CSNK1G1: variants seen among roughly 807,000 people sequenced by gnomAD.
CSNK1G1 encodes casein kinase I isoform gamma-1.
A neutral mutation model predicts 59.6 loss-of-function variants in CSNK1G1; 22 were observed. The observed-to-expected ratio is 0.37, with a 90% CI of 0.26 to 0.53. The LOEUF is 0.53. Ranked by LOEUF, CSNK1G1 falls within the 20% of genes least tolerant of loss-of-function variation. The pLI is 0.89. For missense variants in CSNK1G1, 384 were observed against 519.5 expected (o/e 0.74, Z 2.54); for synonymous variants, 179 against 177.1 (o/e 1.01, Z -0.08).
chr15:64,345,213 A>G (rs1897888593), intron 1 of CSNK1G1, among the ~76,000 whole-genome samples: 1 of 152,230 alleles, frequency 6.6e-6, no homozygotes, highest in Non-Finnish European at 1.5e-5. Flanking sequence ...ATTAGTACTC[A>G]GGCTACATGA....
intron 2 of CSNK1G1, among the ~76,000 whole-genome samples, chr15:64,285,841 T>C (rs530789861): frequency 2.8e-4 from 43 of 152,132 alleles, no homozygotes; most frequent in African/African-American, 9.9e-4. Context: ...CTCTAGTTAA[T>C]TTATCTTCTC....
intron 2 of CSNK1G1, among the ~76,000 whole-genome samples, chr15:64,291,390 CAGCCTGGCCA>C (rs1894732952): frequency 6.6e-6 from 1 of 151,880 alleles, no homozygotes; most frequent in Non-Finnish European, 1.5e-5. Flanking sequence ...AGTTTGAGAC[CAGCCTGGCCA>C]ACATGGTGAA....
At chr15:64,333,149 C>T (rs757825765) in intron 1 of CSNK1G1, among the ~76,000 whole-genome samples, 3 of 146,006 alleles carry the variant, frequency 2.1e-5, no homozygotes, top group Non-Finnish European at 4.5e-5. Flanking sequence ...GCCAGCTACT[C>T]GGGAGGCTGA....
intron 1 of CSNK1G1, among the ~76,000 whole-genome samples, chr15:64,322,140 T>C (rs1257586382): frequency 6.6e-6 from 1 of 152,182 alleles, no homozygotes; most frequent in Non-Finnish European, 1.5e-5. Context: ...TTCTGTAATA[T>C]GTAATATCTT....
intron 2 of CSNK1G1, among the ~76,000 whole-genome samples, 177 bp downstream of exon 2, chr15:64,300,142 C>T (rs561121415): frequency 2.0e-5 from 3 of 152,258 alleles, no homozygotes; most frequent in South Asian, 2.1e-4. Flanking sequence ...AGAGATGAGC[C>T]TTGGATAACA....
chr15:64,263,917 A>C (rs1596182493), intron 2 of CSNK1G1, among the ~76,000 whole-genome samples: 1 of 151,634 alleles, frequency 6.6e-6, no homozygotes, highest in East Asian at 1.9e-4. Flanking sequence ...TTCTACCTAT[A>C]ATTATTTATG....
At chr15:64,342,270 C>T (rs1042492587) in intron 1 of CSNK1G1, among the ~76,000 whole-genome samples, 2 of 152,182 alleles carry the variant, frequency 1.3e-5, no homozygotes, top group Admixed American at 1.3e-4. Flanking sequence ...CCTTTCTCTG[C>T]CTCATTTGCT....
intron 8 of CSNK1G1, 68 bp from the exon 9 acceptor site, chr15:64,204,657 A>G: frequency 6.6e-7 from 1 of 1,508,702 alleles, no homozygotes; most frequent in Non-Finnish European, 9.1e-7. Flanking sequence ...GTGGGGAAGC[A>G]TTGGGCCACA....
chr15:64,194,438 C>T (rs538294607), intron 10 of CSNK1G1: 1 of 151,016 alleles, frequency 6.6e-6, no homozygotes, highest in African/African-American at 2.4e-5. Flanking sequence ...AAATTATGCT[C>T]ATAACAAGCT....
intron 10 of CSNK1G1, among the ~76,000 whole-genome samples, chr15:64,182,442 A>G (rs1409407205): frequency 2.0e-5 from 3 of 152,200 alleles, no homozygotes; most frequent in Admixed American, 1.3e-4. Context: ...AAAACGGATT[A>G]AAAGAGACTA....
At chr15:64,352,058 G>A (rs1365617355) in intron 1 of CSNK1G1, among the ~76,000 whole-genome samples, 1 of 152,082 alleles carries the variant, frequency 6.6e-6, no homozygotes, top group Middle Eastern at 3.2e-3. Context: ...TGTAATCCCA[G>A]CACCTTGGGA....
At chr15:64,292,220 A>G (rs1186002111) in intron 2 of CSNK1G1, among the ~76,000 whole-genome samples, 2 of 152,074 alleles carry the variant, frequency 1.3e-5, no homozygotes, top group African/African-American at 2.4e-5. Flanking sequence ...AAAAAAAAAA[A>G]AAAAAAGTTC....
intron 10 of CSNK1G1, among the ~76,000 whole-genome samples, chr15:64,187,687 C>T (rs1022833401): frequency 1.3e-5 from 2 of 152,166 alleles, no homozygotes; most frequent in African/African-American, 4.8e-5. Context: ...TGTTTGACAG[C>T]TCTGAGTTCA....
Position 64,314,583 on chromosome 15 carries a change from AC to A in CSNK1G1, c.-224-13861del, listed in dbSNP as rs1345856944. Reference sequence around the variant, plus strand: ...ACAGAATTAAAAAAAAAAAAAAAAAACATATCCCTCAGCTGAGATTTTGTTC... The same window carrying A: ...ACAGAATTAAAAAAAAAAAAAAAAAAATATCCCTCAGCTGAGATTTTGTTC... On this transcript the variant is annotated intron_variant, in intron 1 of 11. Transcript: ENST00000303052. 7.1e-4 allele frequency among the ~76,000 whole-genome samples: 108 copies of A among 151,674 alleles called. No individual in the cohort carries two copies. The East Asian group carries it at 0.018, about 26-fold the overall frequency.
intron 10 of CSNK1G1, among the ~76,000 whole-genome samples, chr15:64,187,054 CT>C (rs1188962981): frequency 8.6e-5 from 13 of 151,978 alleles, no homozygotes; most frequent in Admixed American, 5.9e-4. Context: ...ATCACTTGAC[CT>C]TGTGATCTGC....
rs2081638991 is a variant in CSNK1G1, at chr15:64,169,351, GC to G, written c.*2579del. 1 of 152,180 alleles carries G rather than the reference GC, an allele frequency of 6.6e-6. No homozygotes were observed. The allele number at this position is 152,180 out of a possible 1,614,324, so 9.4% of individuals were successfully genotyped here. A position where few individuals can be genotyped will look rare whatever the true frequency, so the allele number is the denominator to read the frequency against. On this transcript the variant is annotated 3_prime_UTR_variant, in exon 12 of 12. Coordinates refer to ENST00000303052, the MANE Select transcript of CSNK1G1 (RefSeq NM_022048.5). ...AGGCTCAAGTGATTCTCCTGCCTCA[GC>G]CTCCCGAGTAGCTGGGACTACGGGA...
At chr15:64,309,307 AAAACACACAC>A (rs1358177099) in intron 1 of CSNK1G1, among the ~76,000 whole-genome samples, 2 of 62,678 alleles carry the variant, frequency 3.2e-5, no homozygotes, top group South Asian at 8.5e-4. Context: ...CTTAGTGAAT[AAAACACACAC>A]ACACACACAC....
At chr15:64,354,399 T>A (rs1489710097) in intron 1 of CSNK1G1, among the ~76,000 whole-genome samples, 1 of 152,250 alleles carries the variant, frequency 6.6e-6, no homozygotes, top group Non-Finnish European at 1.5e-5. Context: ...AAGATTTACA[T>A]ACATTACTTT....
chr15:64,168,377 T>C lies in CSNK1G1; in HGVS notation c.*3554A>G, dbSNP rs1347185741. On this transcript the variant is annotated 3_prime_UTR_variant, in exon 12 of 12. Coordinates refer to ENST00000303052, the MANE Select transcript of CSNK1G1 (RefSeq NM_022048.5). ...GATCTCTGGAAAGCACCAAGGTGCG[T>C]AGAGCAACTTGACCAACTCTTACTG... The C allele has an allele frequency of 6.6e-6, 1 of 152,520 alleles. No homozygotes were observed. The highest frequency in any genetic ancestry group is 1.9e-4 in the East Asian group (1 of 5,202). The allele number at this position is 152,520 out of a possible 1,614,324, so 9.4% of individuals were successfully genotyped here. A position where few individuals can be genotyped will look rare whatever the true frequency, so the allele number is the denominator to read the frequency against.
Sources: gnomAD v4.1 joint callset for allele counts (sites outside exome capture counted in the v4.1 genomes callset) on GRCh38, gnomAD v4.1.1 for gene constraint, MANE v1.5 for transcripts, NCBI Gene and HGNC (gene_info 2026-07-23, HGNC 2026-07-21) for gene names.